Variants in HSPA9 observed in about 807,000 individuals in gnomAD.
The protein encoded by HSPA9 is heat shock protein family A (Hsp70) member 9, also known as stress-70 protein, mitochondrial.
Under a neutral mutation model 81.5 loss-of-function variants are expected in HSPA9, and 28 were observed. The observed-to-expected ratio is 0.34, with a 90% confidence interval of 0.25 to 0.47. The LOEUF is 0.47. Ranked by LOEUF, HSPA9 falls within the 20% of genes least tolerant of loss-of-function variation. The pLI, the probability that HSPA9 is intolerant of heterozygous loss-of-function variation, is 1.00. For missense variants in HSPA9, 678 were observed against 838.0 expected, an observed-to-expected ratio of 0.81 and a Z score of 2.36; for synonymous variants, 293 against 290.4, an observed-to-expected ratio of 1.01 and a Z score of -0.09.
At chr5:138,573,250 A>C (rs1010658922) in intron 3 of HSPA9, among the ~76,000 whole-genome samples, 22 of 151,658 alleles carry the variant, frequency 1.5e-4, no homozygotes, top group Non-Finnish European at 2.9e-4. Context: ...GCTGGTCTTG[A>C]ACTTGGGACC....
intron 14 of HSPA9, chr5:138,557,084 T>A (rs1750544888): frequency 1.6e-6 from 1 of 616,162 alleles, no homozygotes; most frequent in Non-Finnish European, 2.9e-6. Flanking sequence ...ACAGAAGAAA[T>A]AATAAAGGCA....
At chr5:138,558,883 G>A (rs192797051) in intron 11 of HSPA9, 9 of 490,648 alleles carry the variant, frequency 1.8e-5, no homozygotes, top group Admixed American at 6.4e-5. Context: ...GTACAAAGAC[G>A]CAGCATTAGG....
chr5:138,566,700 T>C lies in HSPA9; in HGVS notation c.898A>G (p.Lys300Glu), dbSNP rs773071248. The change falls in exon 9 of 17, where the codon AAA becomes GAA. Residue 300 changes from lysine (K) to glutamate (E), a missense_variant. Lys to Glu is a moderately conservative substitution (Grantham distance 56, BLOSUM62 1). This residue lies in a region of HSPA9 where 484 missense variants were observed against 647.5 expected (regional missense o/e 0.75). Transcript: ENST00000297185. ...FKRETGVDLT[K>E]DNMALQRVRE... ...ACCCTCTGAAGTGCCATGTTGTCTT[T>C]AGTCAAATCAACCCCTGTCTATAAA... 62 of 1,613,830 alleles carry C rather than the reference T, an allele frequency of 3.8e-5. No homozygotes were observed. The highest frequency in any genetic ancestry group is 6.7e-5 in the Admixed American group (4 of 60,028).
At chr5:138,560,256 G>C (rs1750625214) in intron 10 of HSPA9, among the ~76,000 whole-genome samples, 165 bp from the exon 11 acceptor site, 1 of 152,192 alleles carries the variant, frequency 6.6e-6, no homozygotes, top group South Asian at 2.1e-4. Flanking sequence ...TCCTGCTAAT[G>C]ATCTTCTAAC....
At position 138,575,085 on chromosome 5, in the gene HSPA9, G is replaced by C. The variant is rs147998423; in HGVS notation, c.81+153C>G. ...AAAACCTTGGGCAAAATCTTGACCC[G>C]GCAGCGCTAACTATGGAAGGCCCGT... On this transcript the variant is annotated intron_variant, in intron 1 of 16. Coordinates refer to ENST00000297185, the MANE Select transcript of HSPA9 (RefSeq NM_004134.7). 2.0e-3 allele frequency: 1,257 copies of C among 630,968 alleles called. 5 individuals are homozygous for C. The African/African-American group carries it at 0.021, about 10-fold the overall frequency. 39.1% of individuals were successfully genotyped at this position (630,968 alleles called of 1,614,324 possible).
chr5:138,569,435 A>G (rs1357118612), intron 4 of HSPA9, among the ~76,000 whole-genome samples: 1 of 152,238 alleles, frequency 6.6e-6, no homozygotes, highest in Non-Finnish European at 1.5e-5. Context: ...CTTGTACACA[A>G]ATGTTTATGG....
chr5:138,556,885 T>A lies in HSPA9; in HGVS notation c.1729-19A>T. On this transcript the variant is annotated intron_variant, in intron 14 of 16. Coordinates refer to ENST00000297185, the MANE Select transcript of HSPA9 (RefSeq NM_004134.7). The stretch of plus-strand genomic sequence containing the variant: ...CTCGTTCCTTAGAGAAATTAGAAGT[T>A]TAAACGAAGACTTTCCAATCAACCA... The A allele has an allele frequency of 6.3e-7, 1 of 1,582,474 alleles. No homozygotes were observed.
intron 10 of HSPA9, chr5:138,560,638 G>A (rs376110544): frequency 1.0e-4 from 20 of 198,374 alleles, no homozygotes; most frequent in Non-Finnish European, 1.9e-4. Context: ...TCCACTCACC[G>A]CAAGCTCCAC....
At chr5:138,574,997 G>T in intron 1 of HSPA9, 1 of 591,448 alleles carries the variant, frequency 1.7e-6, no homozygotes, top group Non-Finnish European at 3.0e-6. Context: ...CCACTACCTG[G>T]TAATTTTGAA....
At chr5:138,564,980 C>A (rs544468847) in intron 9 of HSPA9, among the ~76,000 whole-genome samples, 1 of 152,292 alleles carries the variant, frequency 6.6e-6, no homozygotes, top group Non-Finnish European at 1.5e-5. Flanking sequence ...CTAATCTGTT[C>A]TAATTAATGT....
chr5:138,574,598 T>G (rs1343839870), intron 1 of HSPA9, among the ~76,000 whole-genome samples: 1 of 152,220 alleles, frequency 6.6e-6, no homozygotes, highest in Non-Finnish European at 1.5e-5. Context: ...ATAAAAGACC[T>G]TTATTACAAC....
At position 138,557,485 on chromosome 5, in the gene HSPA9, A is replaced by T; in HGVS notation, c.1645T>A (p.Ser549Thr). 1 of 1,592,832 alleles carries T rather than the reference A, an allele frequency of 6.3e-7. No individual in the cohort carries two copies. Among genetic ancestry groups the T allele is most frequent in the Non-Finnish European group, 8.6e-7 (1 of 1,161,572 alleles). Residue 549 changes from serine to threonine, a missense_variant, in exon 14 of 17, where the codon TCT becomes ACT. Around this residue, in one of 4 missense-constraint regions of HSPA9, gnomAD observed 484 missense variants for 647.5 expected, o/e 0.75. Transcript: ENST00000297185. Reference protein sequence around the residue: ...TGREQQIVIQSSGGLSKDDIE... With the variant: ...TGREQQIVIQTSGGLSKDDIE... The stretch of plus-strand genomic sequence containing the variant: ...TCATCTTTGCTTAATCCACCAGAAG[A>T]CTGGATTACAACTGTAGTAAACAGA...
At chr5:138,560,591 C>T (rs1392107006) in intron 10 of HSPA9, among the ~76,000 whole-genome samples, 13 of 147,412 alleles carry the variant, frequency 8.8e-5, no homozygotes, top group African/African-American at 2.5e-4. Context: ...GACGGAGTCT[C>T]GCTGTGTCGC....
chr5:138,571,603 G>A (rs1463911083), intron 3 of HSPA9, among the ~76,000 whole-genome samples: 1 of 151,840 alleles, frequency 6.6e-6, no homozygotes, highest in Non-Finnish European at 1.5e-5. Context: ...ATGAACAGTA[G>A]ATATTTAGTT....
intron 10 of HSPA9, among the ~76,000 whole-genome samples, chr5:138,560,616 G>A (rs550377007): frequency 4.7e-5 from 7 of 150,360 alleles, no homozygotes; most frequent in Admixed American, 2.7e-4. Flanking sequence ...GCTGGAGTGC[G>A]GTGGCGCAAT....
chr5:138,554,022 T>C lies in HSPA9; in HGVS notation c.*2015A>G, dbSNP rs1209441596. 6.6e-6 allele frequency among the ~76,000 whole-genome samples: 1 copy of C among 152,230 alleles called. No individual in the cohort carries two copies. Among genetic ancestry groups the C allele is most frequent in the Non-Finnish European group, 1.5e-5 (1 of 68,034 alleles). ...CCCAACAGCTTTCCCAGCAGTGGACTGTGGGTGGGACCTCGGTTCCATAAT... is the reference window on the plus strand; with the variant it reads ...CCCAACAGCTTTCCCAGCAGTGGACCGTGGGTGGGACCTCGGTTCCATAAT... On this transcript the variant is annotated 3_prime_UTR_variant, in exon 17 of 17. Coordinates refer to ENST00000297185, the MANE Select transcript of HSPA9 (RefSeq NM_004134.7).
At chr5:138,574,203 A>T (rs547987138) in intron 1 of HSPA9, 77 bp from the exon 2 acceptor site, 18 of 986,634 alleles carry the variant, frequency 1.8e-5, no homozygotes, top group Non-Finnish European at 2.8e-5. Flanking sequence ...GGGCTCACTT[A>T]GTATATAAAA....
At chr5:138,572,899 T>A (rs1044334650) in intron 3 of HSPA9, among the ~76,000 whole-genome samples, 1 of 151,516 alleles carries the variant, frequency 6.6e-6, no homozygotes, top group Non-Finnish European at 1.5e-5. Context: ...TATAGTCTCT[T>A]CTTTTTTTTT....
intron 9 of HSPA9, among the ~76,000 whole-genome samples, chr5:138,563,731 T>C (rs965731979): frequency 6.6e-6 from 1 of 152,254 alleles, no homozygotes; most frequent in Non-Finnish European, 1.5e-5. Flanking sequence ...TTTGGCTTCC[T>C]TGGGCCACAC....
Sources: gnomAD v4.1 joint callset for allele counts (sites outside exome capture counted in the v4.1 genomes callset) on GRCh38, gnomAD v4.1.1 for gene constraint, gnomAD v4.1.1 regional missense constraint, MANE v1.5 for transcripts, NCBI Gene and HGNC (gene_info 2026-07-23, HGNC 2026-07-21) for gene names.